Variants in CBL observed in about 807,000 individuals in gnomAD.
CBL encodes E3 ubiquitin-protein ligase CBL.
Under a neutral mutation model 96.9 loss-of-function variants are expected in CBL, and 45 were observed. That is an observed-to-expected ratio of 0.46 (90% CI 0.37 to 0.60). CBL has a LOEUF of 0.60. Among genes scored for constraint, CBL ranks in the 20% least tolerant of loss-of-function variants. CBL has a pLI of 0.00. For synonymous variants in CBL, 420 were observed against 426.8 expected, an observed-to-expected ratio of 0.98 and a Z score of 0.20; for missense variants, 1,024 against 1,143.5, an observed-to-expected ratio of 0.90 and a Z score of 1.51.
At chr11:119,296,389 T>A (rs1411840717) in intron 12 of CBL, among the ~76,000 whole-genome samples, 1 of 152,174 alleles carries the variant, frequency 6.6e-6, no homozygotes, top group Non-Finnish European at 1.5e-5. Flanking sequence ...AACAGCCAGA[T>A]CCTTGATGTG....
At chr11:119,266,031 AAAAAG>A (rs1338450799) in intron 2 of CBL, among the ~76,000 whole-genome samples, 23 of 150,902 alleles carry the variant, frequency 1.5e-4, no homozygotes, top group African/African-American at 5.3e-4. Context: ...AAAAAAAAAA[AAAAAG>A]AAAGAAAGAA....
At chr11:119,273,792 C>T in intron 3 of CBL, 76 bp from the exon 4 acceptor site, 1 of 1,310,044 alleles carries the variant, frequency 7.6e-7, no homozygotes, top group East Asian at 2.3e-5. Flanking sequence ...GGCTCTCCTT[C>T]CTTTCCTTGA....
intron 2 of CBL, among the ~76,000 whole-genome samples, chr11:119,248,530 A>G (rs1949648536): frequency 6.6e-6 from 1 of 152,246 alleles, no homozygotes; most frequent in Non-Finnish European, 1.5e-5. Context: ...CCTAAATTTA[A>G]GAACTAAAAT....
At chr11:119,286,390 C>T (rs1244262983) in intron 11 of CBL, among the ~76,000 whole-genome samples, 4 of 152,072 alleles carry the variant, frequency 2.6e-5, no homozygotes, top group African/African-American at 7.2e-5. Context: ...TGTAATCTAA[C>T]TAGAAAACAC....
intron 1 of CBL, among the ~76,000 whole-genome samples, chr11:119,224,763 A>T (rs1196610442): frequency 6.6e-6 from 1 of 151,702 alleles, no homozygotes; most frequent in African/African-American, 2.4e-5. Context: ...CATAAGGAGG[A>T]TAAAATATTT....
At chr11:119,271,702 T>C (rs192460198) in intron 2 of CBL, 33 bp from the exon 3 acceptor site, 2 of 1,583,044 alleles carry the variant, frequency 1.3e-6, no homozygotes, top group East Asian at 2.2e-5. Flanking sequence ...AATAATTTTA[T>C]GTGTTTAATT....
intron 2 of CBL, among the ~76,000 whole-genome samples, chr11:119,255,902 T>TAA (rs925181204): frequency 6.9e-6 from 1 of 145,038 alleles, no homozygotes. Flanking sequence ...ATTTATACTT[T>TAA]AAAAAAAAAA....
At chr11:119,279,338 C>T (rs1413923926) in intron 9 of CBL, among the ~76,000 whole-genome samples, 1 of 151,842 alleles carries the variant, frequency 6.6e-6, no homozygotes, top group African/African-American at 2.4e-5. Context: ...TATCTCTACC[C>T]CTGACTCCAA....
chr11:119,225,686 A>T (rs1157729538), intron 1 of CBL, among the ~76,000 whole-genome samples: 1 of 150,416 alleles, frequency 6.6e-6, no homozygotes, highest in African/African-American at 2.5e-5. Context: ...CTGGGATTAC[A>T]GATGTAAGAC....
chr11:119,242,741 TAA>T (rs34339877), intron 2 of CBL, among the ~76,000 whole-genome samples: 22 of 117,914 alleles, frequency 1.9e-4, no homozygotes, highest in Admixed American at 3.6e-4. Context: ...CCTGACTCTT[TAA>T]AAAAAAAAAA....
intron 1 of CBL, among the ~76,000 whole-genome samples, chr11:119,225,253 T>G (rs1236182769): frequency 2.0e-5 from 3 of 151,978 alleles, no homozygotes; most frequent in African/African-American, 4.8e-5. Context: ...CATGCCACCA[T>G]GCCTGGCTAA....
At chr11:119,219,567 A>G (rs1949391532) in intron 1 of CBL, among the ~76,000 whole-genome samples, 1 of 151,918 alleles carries the variant, frequency 6.6e-6, no homozygotes, top group African/African-American at 2.4e-5. Context: ...GCAACCACTG[A>G]GGGTCTTGGA....
chr11:119,285,963 G>T (rs1046598049), intron 11 of CBL, among the ~76,000 whole-genome samples: 1 of 151,544 alleles, frequency 6.6e-6, no homozygotes, highest in African/African-American at 2.4e-5. Flanking sequence ...TTTGTGATAA[G>T]TTTTATATGG....
intron 2 of CBL, among the ~76,000 whole-genome samples, chr11:119,235,053 T>C (rs1949532769): frequency 6.6e-6 from 1 of 152,172 alleles, no homozygotes; most frequent in Non-Finnish European, 1.5e-5. Flanking sequence ...CTCTAGACTT[T>C]CTCTTATAGA....
intron 12 of CBL, among the ~76,000 whole-genome samples, chr11:119,289,171 A>G (rs1053500879): frequency 6.6e-6 from 1 of 152,198 alleles, no homozygotes; most frequent in Non-Finnish European, 1.5e-5. Context: ...GGGTTGTAGC[A>G]TTCTATATAA....
At chr11:119,269,533 A>G (rs1379435765) in intron 2 of CBL, among the ~76,000 whole-genome samples, 3 of 152,040 alleles carry the variant, frequency 2.0e-5, no homozygotes, top group Non-Finnish European at 4.4e-5. Flanking sequence ...CATTTTTCGA[A>G]CAAGTCATGG....
intron 9 of CBL, among the ~76,000 whole-genome samples, chr11:119,282,116 T>C (rs1413273661): frequency 6.6e-6 from 1 of 151,308 alleles, no homozygotes; most frequent in Non-Finnish European, 1.5e-5. Context: ...AGCGGGCAGA[T>C]CACCTGAGAT....
chr11:119,259,979 C>T (rs12276986), intron 2 of CBL, among the ~76,000 whole-genome samples: 36,563 of 151,874 alleles, frequency 0.24, 4,742 homozygotes, highest in South Asian at 0.54. Flanking sequence ...AGGGCACTAG[C>T]AAATGGACCG....
intron 2 of CBL, among the ~76,000 whole-genome samples, chr11:119,268,184 C>T (rs1005178178): frequency 3.9e-5 from 6 of 152,090 alleles, no homozygotes; most frequent in Non-Finnish European, 8.8e-5. Flanking sequence ...TTATTTTTTC[C>T]CTTCTTCAAA....
Sources: allele counts gnomAD v4.1 joint callset (sites outside exome capture counted in the v4.1 genomes callset), GRCh38; gene constraint gnomAD v4.1.1; transcripts MANE v1.5; gene names NCBI Gene and HGNC (gene_info 2026-07-23, HGNC 2026-07-21).